The following TRMT11 variants were observed in gnomAD, a reference collection of about 807,000 sequenced individuals.
The protein encoded by TRMT11 is tRNA (guanine(10)-N(2))-methyltransferase TRMT11.
In TRMT11, 53 loss-of-function variants were observed where a neutral mutation model predicts 62.8. The ratio of observed to expected loss-of-function variants is 0.84; its 90% confidence interval spans 0.68 to 1.06. The LOEUF (loss-of-function observed/expected upper bound fraction) is 1.06. TRMT11 is among the 50% of genes least tolerant of loss of function. TRMT11 has a pLI of 0.00. For synonymous variants in TRMT11, 188 were observed against 190.3 expected, an observed-to-expected ratio of 0.99 and a Z score of 0.10; for missense variants, 556 against 553.4, an observed-to-expected ratio of 1.00 and a Z score of -0.05.
chr6:126,018,707 T>A (rs948598214), intron 11 of TRMT11, among the ~76,000 whole-genome samples: 1 of 151,918 alleles, frequency 6.6e-6, no homozygotes, highest in Non-Finnish European at 1.5e-5. Flanking sequence ...AGTTTTTAAA[T>A]AGATAACTTG....
chr6:126,055,863 G>C (rs1279969779), intron 17 of TRMT11, among the ~76,000 whole-genome samples: 1 of 152,050 alleles, frequency 6.6e-6, no homozygotes, highest in Non-Finnish European at 1.5e-5. Flanking sequence ...TACATGGTTT[G>C]AAATTCAAAA....
At chr6:126,206,376 C>A (rs958228154), downstream of TRMT11, among the ~76,000 whole-genome samples, 1 of 152,042 alleles carries the variant, frequency 6.6e-6, no homozygotes, top group African/African-American at 2.4e-5. Context: ...GAGGTGGGGC[C>A]ACAGATTCTG....
At chr6:126,013,219 GC>G (rs1467671566) in intron 11 of TRMT11, 118 bp downstream of exon 11, 1 of 869,972 alleles carries the variant, frequency 1.1e-6, no homozygotes, top group Admixed American at 2.8e-5. Flanking sequence ...ATTTGTAATA[GC>G]CTTTGTTTGC....
At chr6:126,194,581 A>T (rs1181592775) in intron 1 of TRMT11, among the ~76,000 whole-genome samples, 1 of 152,180 alleles carries the variant, frequency 6.6e-6, no homozygotes, top group East Asian at 1.9e-4. Flanking sequence ...AAATGACTTT[A>T]AAAACTCAGA....
intron 21 of TRMT11, among the ~76,000 whole-genome samples, chr6:126,153,863 A>G (rs1222513437): frequency 6.6e-6 from 1 of 152,190 alleles, no homozygotes; most frequent in Non-Finnish European, 1.5e-5. Flanking sequence ...GATGATTGTT[A>G]ACCATGTGTG....
upstream of TRMT11, among the ~76,000 whole-genome samples, chr6:126,174,058 A>C (rs1562340645): frequency 6.6e-6 from 1 of 152,188 alleles, no homozygotes; most frequent in Non-Finnish European, 1.5e-5. Context: ...GTTCCATCCC[A>C]GAACCTGATG....
rs192301982 is a variant in TRMT11, at chr6:126,010,295, A to G, written c.761-958A>G. ...CTTGACAGTGGTCTTGGCAGGTGGT[A>G]CTTTTACTTTTTTGTTTCTTCTCAG... On this transcript the variant is annotated intron_variant, in intron 8 of 12. Coordinates refer to ENST00000334379, the MANE Select transcript of TRMT11 (RefSeq NM_001031712.3). Among the ~76,000 whole-genome samples, 9 of 152,078 alleles carry G rather than the reference A, an allele frequency of 5.9e-5. No homozygotes were observed. In the East Asian group the frequency reaches 1.5e-3, roughly 26 times the overall value.
At chr6:126,073,155 T>A (rs905853183) in intron 17 of TRMT11, among the ~76,000 whole-genome samples, 20 of 152,196 alleles carry the variant, frequency 1.3e-4, no homozygotes, top group African/African-American at 4.8e-4. Context: ...ATTTTCCCTG[T>A]AGTTATCAAT....
chr6:126,068,669 T>G (rs1250564694), intron 17 of TRMT11, among the ~76,000 whole-genome samples: 1 of 152,246 alleles, frequency 6.6e-6, no homozygotes, highest in Admixed American at 6.5e-5. Context: ...TTTATATCTG[T>G]CTAGGCAAGT....
Position 125,988,908 on chromosome 6 carries a change from A to G in TRMT11, c.72+2286A>G, listed in dbSNP as rs141385291. 7.2e-4 allele frequency among the ~76,000 whole-genome samples: 109 copies of G among 152,322 alleles called. 2 individuals are homozygous for G. The highest frequency in any genetic ancestry group is 2.5e-3 in the African/African-American group (103 of 41,564). On this transcript the variant is annotated intron_variant, in intron 1 of 12. Transcript: ENST00000334379. ...TCTGGAGGAAATAAATTTTTAATTA[A>G]GTCTTAATTGACAAAGGACATGTTC...
intron 12 of TRMT11, 32 bp downstream of exon 12, chr6:126,021,312 C>T: frequency 6.2e-7 from 1 of 1,606,848 alleles, no homozygotes; most frequent in Non-Finnish European, 8.5e-7. Context: ...GGGATAAATT[C>T]TGAAAGAATC....
intron 17 of TRMT11, among the ~76,000 whole-genome samples, chr6:126,076,525 T>C (rs1777028570): frequency 6.6e-6 from 1 of 152,232 alleles, no homozygotes; most frequent in African/African-American, 2.4e-5. Flanking sequence ...TCCTTTACTT[T>C]GAACTAGGTT....
At chr6:126,004,706 C>T (rs933301273) in intron 7 of TRMT11, among the ~76,000 whole-genome samples, 4 of 151,920 alleles carry the variant, frequency 2.6e-5, no homozygotes, top group Non-Finnish European at 5.9e-5. Context: ...TGTCTAATCC[C>T]CTTTTTATTT....
intron 17 of TRMT11, among the ~76,000 whole-genome samples, chr6:126,105,561 G>A (rs973953027): frequency 5.9e-5 from 9 of 151,832 alleles, no homozygotes; most frequent in African/African-American, 1.7e-4. Context: ...CGGAGGCCTC[G>A]GTTTCCTCAG....
At chr6:126,155,160 G>A (rs973350066) in intron 21 of TRMT11, among the ~76,000 whole-genome samples, 15 of 152,150 alleles carry the variant, frequency 9.9e-5, no homozygotes, top group Non-Finnish European at 1.5e-5. Context: ...TATGGGGCCC[G>A]AGGAATCTTA....
At chr6:126,269,734 G>A in the TRMT11 span, among the ~76,000 whole-genome samples, 2 of 152,190 alleles carry the variant, frequency 1.3e-5, no homozygotes, top group East Asian at 3.8e-4. Flanking sequence ...ATGAGGAGGA[G>A]CTTTATGAAG....
chr6:126,243,248 C>A, the TRMT11 span, among the ~76,000 whole-genome samples: 4 of 152,180 alleles, frequency 2.6e-5, no homozygotes, highest in African/African-American at 9.7e-5. Flanking sequence ...CCATCTCACA[C>A]CAGTCAGAAT....
intron 21 of TRMT11, among the ~76,000 whole-genome samples, chr6:126,117,576 GT>G (rs1023382108): frequency 2.0e-5 from 3 of 151,844 alleles, no homozygotes; most frequent in Non-Finnish European, 4.4e-5. Flanking sequence ...GATTATATTA[GT>G]TTTTTTGCAT....
intron 21 of TRMT11, among the ~76,000 whole-genome samples, chr6:126,124,477 G>A (rs1000528923): frequency 2.0e-5 from 3 of 152,100 alleles, no homozygotes; most frequent in African/African-American, 7.2e-5. Flanking sequence ...CTGTGAGACT[G>A]CTGTTTCTCT....
Sources: gnomAD v4.1 joint callset for allele counts (sites outside exome capture counted in the v4.1 genomes callset) on GRCh38, gnomAD v4.1.1 for gene constraint, MANE v1.5 for transcripts, NCBI Gene and HGNC (gene_info 2026-07-23, HGNC 2026-07-21) for gene names.